SLC35F3: variants seen among roughly 807,000 people sequenced by gnomAD.
SLC35F3 encodes the protein solute carrier family 35 member F3.
SLC35F3 carries 25 observed loss-of-function variants against 49.9 expected under a neutral mutation model. That is an observed-to-expected ratio of 0.50 (90% CI 0.37 to 0.70). The LOEUF is 0.70. Ranked by LOEUF, SLC35F3 falls within the 30% of genes least tolerant of loss-of-function variation. The probability of loss-of-function intolerance (pLI) is 0.00; values close to 1 mark genes in which losing one functional copy is unlikely to be tolerated. For synonymous variants in SLC35F3, 275 were observed against 265.4 expected, an observed-to-expected ratio of 1.04 and a Z score of -0.35; for missense variants, 525 against 639.8, an observed-to-expected ratio of 0.82 and a Z score of 1.94.
chr1:234,297,105 A>G (rs1668609589), intron 3 of SLC35F3, among the ~76,000 whole-genome samples: 1 of 152,242 alleles, frequency 6.6e-6, no homozygotes, highest in Non-Finnish European at 1.5e-5. Context: ...ACAGTGAGAT[A>G]CCACCTCACA....
intron 2 of SLC35F3, among the ~76,000 whole-genome samples, chr1:234,144,239 A>G (rs1287451542): frequency 6.6e-6 from 1 of 152,220 alleles, no homozygotes; most frequent in Admixed American, 6.5e-5. Context: ...GAGATGCTCC[A>G]TAGTTGCCTG....
At chr1:234,071,121 G>A (rs1332146159) in intron 2 of SLC35F3, among the ~76,000 whole-genome samples, 1 of 152,210 alleles carries the variant, frequency 6.6e-6, no homozygotes, top group East Asian at 1.9e-4. Context: ...CCTATGTGTG[G>A]AGAGGACCCA....
At chr1:234,319,326 A>G (rs1235677571) in intron 6 of SLC35F3, among the ~76,000 whole-genome samples, 1 of 152,222 alleles carries the variant, frequency 6.6e-6, no homozygotes, top group East Asian at 1.9e-4. Context: ...TAATATCATC[A>G]TCATTGTCTC....
At chr1:234,003,365 T>C (rs1663581592) in intron 2 of SLC35F3, among the ~76,000 whole-genome samples, 1 of 152,208 alleles carries the variant, frequency 6.6e-6, no homozygotes, top group Admixed American at 6.5e-5. Flanking sequence ...GGACTCTTTA[T>C]GTTTCACTAT....
chr1:234,094,392 A>G (rs1665088006), intron 2 of SLC35F3, among the ~76,000 whole-genome samples: 1 of 152,252 alleles, frequency 6.6e-6, no homozygotes, highest in South Asian at 2.1e-4. Flanking sequence ...GTTCAGCTTC[A>G]GATAGCAAGA....
intron 2 of SLC35F3, among the ~76,000 whole-genome samples, chr1:234,121,630 T>A (rs1159325861): frequency 5.9e-5 from 9 of 152,116 alleles, no homozygotes; most frequent in Admixed American, 5.9e-4. Flanking sequence ...TTGTTACATA[T>A]GTATACATGT....
At chr1:234,218,333 G>A (rs988308850) in intron 2 of SLC35F3, among the ~76,000 whole-genome samples, 1 of 152,176 alleles carries the variant, frequency 6.6e-6, no homozygotes, top group Admixed American at 6.5e-5. Context: ...AAGGGTGAGG[G>A]CTTTGGAATT....
At chr1:234,300,432 G>A (rs1411970101) in intron 3 of SLC35F3, among the ~76,000 whole-genome samples, 1 of 152,106 alleles carries the variant, frequency 6.6e-6, no homozygotes. Flanking sequence ...AAAAACCTCT[G>A]GTCCTCCATA....
At chr1:234,134,677 G>T (rs1665784080) in intron 2 of SLC35F3, among the ~76,000 whole-genome samples, 2 of 151,942 alleles carry the variant, frequency 1.3e-5, no homozygotes, top group Non-Finnish European at 2.9e-5. Context: ...AAGAACAAGG[G>T]GATTAAAACC....
chr1:234,233,547 G>A (rs1239372641), intron 3 of SLC35F3, among the ~76,000 whole-genome samples: 1 of 152,200 alleles, frequency 6.6e-6, no homozygotes, highest in East Asian at 1.9e-4. Context: ...TTAAACTATT[G>A]TGCTGAAAAC....
intron 2 of SLC35F3, among the ~76,000 whole-genome samples, chr1:234,016,445 G>C (rs1663803893): frequency 6.6e-6 from 1 of 152,176 alleles, no homozygotes; most frequent in East Asian, 1.9e-4. Context: ...ATATATGCAT[G>C]ATGAGGTACT....
intron 2 of SLC35F3, among the ~76,000 whole-genome samples, chr1:234,126,093 G>T (rs17512304): frequency 0.18 from 28,063 of 152,160 alleles, 3,321 homozygotes; most frequent in Non-Finnish European, 0.27. Flanking sequence ...ATGACTGGCT[G>T]TGTGAAAAAG....
intron 2 of SLC35F3, among the ~76,000 whole-genome samples, chr1:234,120,148 T>A (rs1413371929): frequency 6.6e-6 from 1 of 152,200 alleles, no homozygotes; most frequent in East Asian, 1.9e-4. Context: ...TGACATTAGG[T>A]GACCTCTCTG....
intron 2 of SLC35F3, among the ~76,000 whole-genome samples, chr1:233,995,132 G>A (rs1020715890): frequency 6.6e-5 from 10 of 152,198 alleles, no homozygotes; most frequent in Admixed American, 2.6e-4. Flanking sequence ...AATGTTAACC[G>A]TCATCAACAT....
chr1:234,167,578 A>T lies in SLC35F3; in HGVS notation c.284-63839A>T, dbSNP rs1307519184. ...AGAATAATATTTGTAGGAGAGTCTT[A>T]CCACAACAGAGCATCTTTAACTTTT... On this transcript the variant is annotated intron_variant, in intron 2 of 7. Transcript: ENST00000366618. Among the ~76,000 whole-genome samples, 4 of 152,324 alleles carry T rather than the reference A, an allele frequency of 2.6e-5. No homozygotes were observed. The East Asian group carries it at 5.8e-4, about 22-fold the overall frequency.
At chr1:234,216,204 G>C (rs894280297) in intron 2 of SLC35F3, among the ~76,000 whole-genome samples, 1 of 152,190 alleles carries the variant, frequency 6.6e-6, no homozygotes, top group Admixed American at 6.5e-5. Flanking sequence ...GAAGCAGGGA[G>C]TGAGTGTCTG....
chr1:234,267,500 G>GT (rs1668006708), intron 3 of SLC35F3, among the ~76,000 whole-genome samples: 1 of 147,680 alleles, frequency 6.8e-6, no homozygotes, highest in African/African-American at 2.6e-5. Flanking sequence ...GGCTGGCCGG[G>GT]CGGGGGGCTG....
rs529356136 is a variant in SLC35F3, at chr1:234,261,494, T to G, written c.608+29753T>G. 5.9e-5 allele frequency among the ~76,000 whole-genome samples: 9 copies of G among 152,310 alleles called. No individual in the cohort carries two copies. The South Asian group carries it at 8.3e-4, about 14-fold the overall frequency. The stretch of plus-strand genomic sequence containing the variant: ...GTGCTGGTGGGAGTGTCTTTTGGCA[T>G]GCTAATGACTTATAATTAGTGTATA... On this transcript the variant is annotated intron_variant, in intron 3 of 7. Transcript: ENST00000366618.
chr1:233,921,774 G>A (rs1476525695), intron 2 of SLC35F3, among the ~76,000 whole-genome samples: 1 of 151,688 alleles, frequency 6.6e-6, no homozygotes, highest in African/African-American at 2.4e-5. Context: ...TTTACATTAG[G>A]TATTTCTCCT....
Sources: gnomAD v4.1 joint callset for allele counts (sites outside exome capture counted in the v4.1 genomes callset) on GRCh38, gnomAD v4.1.1 for gene constraint, MANE v1.5 for transcripts, NCBI Gene and HGNC (gene_info 2026-07-23, HGNC 2026-07-21) for gene names.